The following CCR3 variants were observed in gnomAD, a reference collection of about 807,000 sequenced individuals.
The protein encoded by CCR3 is C-C motif chemokine receptor 3.
For missense variants in CCR3, 419 were observed against 437.5 expected, an observed-to-expected ratio of 0.96 and a Z score of 0.38; for synonymous variants, 203 against 179.2, an observed-to-expected ratio of 1.13 and a Z score of -1.06.
At chr3:46,255,993 T>C (rs1700416099) in intron 1 of CCR3, among the ~76,000 whole-genome samples, 1 of 152,174 alleles carries the variant, frequency 6.6e-6, no homozygotes, top group South Asian at 2.1e-4. Flanking sequence ...TTTTGCAGTA[T>C]GGTCATTTTC....
chr3:46,266,361 T>C lies in CCR3; in HGVS notation c.*135T>C. 1 of 632,424 alleles carries C rather than the reference T, an allele frequency of 1.6e-6. No individual in the cohort carries two copies. Among genetic ancestry groups the C allele is most frequent in the African/African-American group, 1.8e-5 (1 of 54,264 alleles). The allele number at this position is 632,424 out of a possible 1,614,324, so 39.2% of individuals were successfully genotyped here. Reference sequence around the variant, plus strand: ...TGAAGCTCTTGAAGACACTGAAATATACACACAGCAGTAGCAGTAGATGCA... The same window carrying C: ...TGAAGCTCTTGAAGACACTGAAATACACACACAGCAGTAGCAGTAGATGCA... On this transcript the variant is annotated 3_prime_UTR_variant, in exon 2 of 2. Transcript: ENST00000395940.
rs1306199203 is a variant in CCR3, at chr3:46,265,920, C to A, written c.762C>A (p.Pro254=). The change falls in exon 2 of 2, where the codon CCC becomes CCA. Residue 254 remains proline (P), a synonymous_variant. Transcript: ENST00000395940. ...CGGTGTTTTTCATTTTCTGGACACC[C>A]TACAATGTGGCTATCCTTCTCTCTT... ...IMAVFFIFWT[P]YNVAILLSSY... is the part of the protein sequence containing the mutation. The A allele has an allele frequency of 6.2e-7, 1 of 1,614,114 alleles. No homozygotes were observed. Among genetic ancestry groups the A allele is most frequent in the Non-Finnish European group, 8.5e-7 (1 of 1,180,004 alleles).
At chr3:46,252,995 G>A (rs766952804) in intron 1 of CCR3, among the ~76,000 whole-genome samples, 36 of 152,116 alleles carry the variant, frequency 2.4e-4, no homozygotes, top group Middle Eastern at 3.4e-3. Context: ...GCTGCACAAG[G>A]GAATCACCAG....
rs1700633210 is a variant in CCR3 at position 46,266,262 on chromosome 3, A to G, written c.*36A>G. ...GAAAATTGCCTAAAGAGGAAGGACCAAGGAGATGAAGCAAACACATTAAGC... is the reference window on the plus strand; with the variant it reads ...GAAAATTGCCTAAAGAGGAAGGACCGAGGAGATGAAGCAAACACATTAAGC... On this transcript the variant is annotated 3_prime_UTR_variant, in exon 2 of 2. Coordinates refer to ENST00000395940, the MANE Select transcript of CCR3 (RefSeq NM_178329.3). 2 of 1,368,392 alleles carry G rather than the reference A, an allele frequency of 1.5e-6. No individual in the cohort carries two copies. Among genetic ancestry groups the G allele is most frequent in the African/African-American group, 1.4e-5 (1 of 69,666 alleles). The allele number at this position is 1,368,392 out of a possible 1,614,324, so 84.8% of individuals were successfully genotyped here.
intron 1 of CCR3, among the ~76,000 whole-genome samples, chr3:46,263,139 A>G (rs954121045): frequency 6.6e-6 from 1 of 152,260 alleles, no homozygotes; most frequent in Non-Finnish European, 1.5e-5. Context: ...TTATAGAAAT[A>G]ACACATGAAT....
intron 1 of CCR3, among the ~76,000 whole-genome samples, chr3:46,243,002 T>TATATATATATATATATACACAC (rs56773457): frequency 1.6e-5 from 2 of 123,726 alleles, no homozygotes; most frequent in Admixed American, 8.1e-5. Context: ...TATATATATA[T>TATATATATATATATATACACAC]ACGCACACAC....
At chr3:46,220,056 C>T (rs181443724) in intron 2 of CCR3, among the ~76,000 whole-genome samples, 79 of 152,230 alleles carry the variant, frequency 5.2e-4, no homozygotes, top group African/African-American at 1.7e-3. Context: ...AACAGACAAC[C>T]CACAGAGTGG....
intron 2 of CCR3, among the ~76,000 whole-genome samples, chr3:46,228,404 C>A (rs1699927731): frequency 6.6e-6 from 1 of 152,182 alleles, no homozygotes; most frequent in Non-Finnish European, 1.5e-5. Flanking sequence ...TAGCGAGTAA[C>A]TTTCCCTATC....
intron 2 of CCR3, among the ~76,000 whole-genome samples, chr3:46,214,413 G>T (rs916159866): frequency 6.6e-6 from 1 of 152,046 alleles, no homozygotes; most frequent in Non-Finnish European, 1.5e-5. Flanking sequence ...CAAGGACATT[G>T]CTCTATTGAT....
chr3:46,259,077 C>T (rs1050155346), intron 1 of CCR3, among the ~76,000 whole-genome samples: 4 of 152,196 alleles, frequency 2.6e-5, no homozygotes, highest in African/African-American at 9.7e-5. Flanking sequence ...AGGGAACTTT[C>T]TGAGTGGCTG....
In CCR3 at chr3:46,253,805, A is replaced by G. The variant is rs145741826; in HGVS notation, c.-12+11267A>G. ...TGTTGATGCCCAGTGTGGGTAATCT[A>G]AATTCTGTTAATAGAAAACTGTTTA... On this transcript the variant is annotated intron_variant, in intron 1 of 1. Transcript: ENST00000395940. 4.6e-5 allele frequency among the ~76,000 whole-genome samples: 7 copies of G among 152,320 alleles called. No individual in the cohort carries two copies. In the East Asian group the frequency reaches 1.4e-3, roughly 29 times the overall value.
chr3:46,223,176 AC>A (rs1444626201), intron 2 of CCR3, among the ~76,000 whole-genome samples: 1 of 152,090 alleles, frequency 6.6e-6, no homozygotes, highest in African/African-American at 2.4e-5. Flanking sequence ...ATGTGGTGAA[AC>A]CCTGTCTCTA....
At chr3:46,242,867 G>A (rs1367538142) in intron 1 of CCR3, among the ~76,000 whole-genome samples, 2 of 150,946 alleles carry the variant, frequency 1.3e-5, no homozygotes, top group East Asian at 1.9e-4. Context: ...TCAACTATGT[G>A]CATATGACTA....
chr3:46,240,765 G>A (rs1244597938), upstream of CCR3, among the ~76,000 whole-genome samples: 1 of 152,102 alleles, frequency 6.6e-6, no homozygotes, highest in African/African-American at 2.4e-5. Flanking sequence ...GATCCTACAA[G>A]CTAGGCATTG....
intron 2 of CCR3, among the ~76,000 whole-genome samples, chr3:46,213,269 C>G (rs1259968889): frequency 6.6e-6 from 1 of 152,238 alleles, no homozygotes; most frequent in Non-Finnish European, 1.5e-5. Flanking sequence ...CAGCTGTCAA[C>G]TGTCAATTCA....
At chr3:46,225,502 A>G (rs1175035294) in intron 2 of CCR3, among the ~76,000 whole-genome samples, 1 of 152,244 alleles carries the variant, frequency 6.6e-6, no homozygotes, top group East Asian at 1.9e-4. Flanking sequence ...GCTCTTTTTC[A>G]TAATGGCTGT....
At chr3:46,228,909 A>T (rs1699932299) in intron 2 of CCR3, among the ~76,000 whole-genome samples, 1 of 152,204 alleles carries the variant, frequency 6.6e-6, no homozygotes, top group Admixed American at 6.5e-5. Flanking sequence ...TATTCTTACC[A>T]TGTGTGTGTC....
intron 2 of CCR3, among the ~76,000 whole-genome samples, chr3:46,224,226 A>G (rs1466559858): frequency 6.6e-6 from 1 of 152,214 alleles, no homozygotes; most frequent in Non-Finnish European, 1.5e-5. Flanking sequence ...GGTTTTAATG[A>G]GACGAACCAA....
At chr3:46,211,391 ATATATATT>A (rs1367117453) in intron 2 of CCR3, among the ~76,000 whole-genome samples, 2 of 146,984 alleles carry the variant, frequency 1.4e-5, no homozygotes, top group Admixed American at 6.8e-5. Context: ...ATATATATAT[ATATATATT>A]TTTTGTAGAA....
Sources: allele counts gnomAD v4.1 joint callset (sites outside exome capture counted in the v4.1 genomes callset), GRCh38; gene constraint gnomAD v4.1.1; transcripts MANE v1.5; gene names NCBI Gene and HGNC (gene_info 2026-07-23, HGNC 2026-07-21).